PTPRQ: variants seen among roughly 807,000 people sequenced by gnomAD.
PTPRQ encodes phosphatidylinositol phosphatase PTPRQ.
PTPRQ carries 199 observed loss-of-function variants against 246.0 expected under a neutral mutation model. That is an observed-to-expected ratio of 0.81 (90% confidence interval 0.72 to 0.91). The LOEUF (loss-of-function observed/expected upper bound fraction) is 0.91. Ranked by LOEUF, PTPRQ falls within the 40% of genes least tolerant of loss-of-function variation. The probability of loss-of-function intolerance (pLI) is 0.00; values close to 1 mark genes in which losing one functional copy is unlikely to be tolerated. For synonymous variants in PTPRQ, 869 were observed against 853.2 expected, an observed-to-expected ratio of 1.02 and a Z score of -0.32; for missense variants, 2,624 against 2,528.4, an observed-to-expected ratio of 1.04 and a Z score of -0.81.
intron 39 of PTPRQ, among the ~76,000 whole-genome samples, chr12:80,661,066 T>C (rs745412990): frequency 2.6e-5 from 4 of 151,798 alleles, no homozygotes; most frequent in Non-Finnish European, 5.9e-5. Context: ...CAATATGAAT[T>C]GAGGACCCCT....
chr12:80,628,964 T>C (rs913074169), intron 33 of PTPRQ, among the ~76,000 whole-genome samples: 9 of 152,110 alleles, frequency 5.9e-5, no homozygotes, highest in African/African-American at 2.2e-4. Context: ...TAGAAGTTTA[T>C]TTCCTCACAG....
Position 80,506,022 on chromosome 12 carries a change from A to T in PTPRQ, c.2273-2A>T, listed in dbSNP as rs1446223814. 6.5e-7 allele frequency: 1 copy of T among 1,533,744 alleles called. No individual in the cohort carries two copies. The highest frequency in any genetic ancestry group is 8.8e-7 in the Non-Finnish European group (1 of 1,141,262). ...ATGTATCTATATTTTTGTTTCTTTCAGTGCCTGATAGTGCACCAGAAAATA... is the reference window on the plus strand; with the variant it reads ...ATGTATCTATATTTTTGTTTCTTTCTGTGCCTGATAGTGCACCAGAAAATA... On this transcript the variant is annotated splice_acceptor_variant, in intron 14 of 44. Coordinates refer to ENST00000644991, the MANE Select transcript of PTPRQ (RefSeq NM_001145026.2). LOFTEE classifies it high-confidence loss of function.
At chr12:80,609,138 CT>C (rs952705602) in intron 27 of PTPRQ, among the ~76,000 whole-genome samples, 33 of 149,458 alleles carry the variant, frequency 2.2e-4, no homozygotes, top group Admixed American at 5.4e-4. Context: ...TACTATGTTT[CT>C]TTTTTTTCTT....
In PTPRQ at chr12:80,670,509, AAATGGCCTTTGAACCC is replaced by A. The variant is rs1397618328; in HGVS notation, c.6602+19_6602+34del. ...TCACTGCAGGTGAGAAAGTGATCAG[AAATGGCCTTTGAACCC>A]ATTGGTCTTTTTATTATTAAAATTC... On this transcript the variant is annotated intron_variant, in intron 42 of 44. Coordinates refer to ENST00000644991, the MANE Select transcript of PTPRQ (RefSeq NM_001145026.2). 5 of 1,519,334 alleles carry A rather than the reference AAATGGCCTTTGAACCC, an allele frequency of 3.3e-6. No individual in the cohort carries two copies. The highest frequency in any genetic ancestry group is 4.4e-6 in the Non-Finnish European group (5 of 1,131,374). 94.1% of individuals were successfully genotyped at this position (1,519,334 alleles called of 1,614,324 possible).
chr12:80,563,958 T>C (rs1283939129), intron 25 of PTPRQ, among the ~76,000 whole-genome samples: 1 of 152,032 alleles, frequency 6.6e-6, no homozygotes, highest in Non-Finnish European at 1.5e-5. Context: ...AGTTTCTTTC[T>C]GTGCTTTTTT....
intron 25 of PTPRQ, among the ~76,000 whole-genome samples, chr12:80,559,499 C>T (rs1330772940): frequency 1.3e-5 from 2 of 152,188 alleles, no homozygotes; most frequent in African/African-American, 4.8e-5. Flanking sequence ...GTCTCTCCTC[C>T]ATTGAATTGC....
intron 37 of PTPRQ, 114 bp from the exon 38 acceptor site, chr12:80,652,630 G>A: frequency 9.2e-7 from 1 of 1,091,320 alleles, no homozygotes; most frequent in Admixed American, 3.9e-5. Flanking sequence ...TATGATAGGT[G>A]TTTTTAATTT....
At chr12:80,474,305 C>A (rs1246906759) in intron 8 of PTPRQ, among the ~76,000 whole-genome samples, 3 of 152,094 alleles carry the variant, frequency 2.0e-5, no homozygotes, top group Non-Finnish European at 4.4e-5. Context: ...ATATTTTAAA[C>A]CAGTCTATCA....
At position 80,510,335 on chromosome 12, in the gene PTPRQ, C is replaced by T. The variant is rs970060433; in HGVS notation, c.2570C>T (p.Pro857Leu). 6.5e-7 allele frequency: 1 copy of T among 1,544,282 alleles called. No individual in the cohort carries two copies. Among genetic ancestry groups the T allele is most frequent in the African/African-American group, 1.4e-5 (1 of 72,690 alleles). ...ILTEEDAPDS[P>L]PQDFSVKQLS... is the part of the protein sequence containing the mutation. ...CCTAACTTTACAGCTCCTGATTCTC[C>T]CCCTCAAGACTTCTCTGTAAAACAG... Residue 857 changes from proline (P) to leucine (L), a missense_variant, in exon 17 of 45, where the codon CCC becomes CTC. By Grantham distance (98) the Pro-to-Leu change is moderately conservative. Coordinates refer to ENST00000644991, the MANE Select transcript of PTPRQ (RefSeq NM_001145026.2).
At chr12:80,569,396 G>A (rs1469552286) in intron 25 of PTPRQ, among the ~76,000 whole-genome samples, 3 of 115,394 alleles carry the variant, frequency 2.6e-5, no homozygotes, top group Non-Finnish European at 5.3e-5. Context: ...TTGTGGGGTG[G>A]GGGGAGGGGG....
rs184134005 is a variant in PTPRQ, at chr12:80,523,852, G to C, written c.2679-10163G>C. Among the ~76,000 whole-genome samples the C allele has an allele frequency of 3.3e-3, 505 of 152,288 alleles. 5 individuals carry two copies. The highest frequency in any genetic ancestry group is 0.011 in the African/African-American group (469 of 41,562). On this transcript the variant is annotated intron_variant, in intron 17 of 44. Coordinates refer to ENST00000644991, the MANE Select transcript of PTPRQ (RefSeq NM_001145026.2). ...AGAATGCATATTCTGTTGATTTGGGGTGGAGAGTTCTGTAGATGTCTATTA... is the reference window on the plus strand; with the variant it reads ...AGAATGCATATTCTGTTGATTTGGGCTGGAGAGTTCTGTAGATGTCTATTA...
rs1202125045 is a variant in PTPRQ, at chr12:80,473,051, A to ACG, written c.1186+801_1186+802insGC. ...CACACACACACTCACACACACGCAC[A>ACG]CACACACACACACACACACACACAC... On this transcript the variant is annotated intron_variant, in intron 8 of 44. Transcript: ENST00000644991. Among the ~76,000 whole-genome samples, 68 of 136,050 alleles carry ACG rather than the reference A, an allele frequency of 5.0e-4. 1 individual carries two copies. Among genetic ancestry groups the ACG allele is most frequent in the South Asian group, 2.7e-3 (12 of 4,482 alleles). 89.3% of individuals were successfully genotyped at this position (136,050 alleles called of 152,430 possible).
At chr12:80,460,583 C>T (rs1311592483) in intron 5 of PTPRQ, 70 bp from the exon 6 acceptor site, 7 of 397,564 alleles carry the variant, frequency 1.8e-5, no homozygotes, top group Non-Finnish European at 3.1e-5. Flanking sequence ...AAATGAATTA[C>T]ATGTTCTTAT....
In PTPRQ at chr12:80,496,332, G is replaced by A. The variant is rs1259954287; in HGVS notation, c.2073G>A (p.Lys691=). 1.9e-6 allele frequency: 3 copies of A among 1,550,644 alleles called. No individual in the cohort carries two copies. Among genetic ancestry groups the A allele is most frequent in the East Asian group, 2.4e-5 (1 of 40,878 alleles). ...EIRLKWSPPE[K]PNGIIIAYEV... ...GGTTGAAGTGGTCACCACCCGAAAAGCCCAATGGGATCATTATTGCTTATG... is the reference window on the plus strand; with the variant it reads ...GGTTGAAGTGGTCACCACCCGAAAAACCCAATGGGATCATTATTGCTTATG... Residue 691 remains lysine, a synonymous_variant, in exon 14 of 45, where the codon AAG becomes AAA. Coordinates refer to ENST00000644991, the MANE Select transcript of PTPRQ (RefSeq NM_001145026.2).
Position 80,495,342 on chromosome 12 carries a change from C to T in PTPRQ, c.1853C>T (p.Thr618Ile). 1 of 1,525,520 alleles carries T rather than the reference C, an allele frequency of 6.6e-7. No homozygotes were observed. The allele number at this position is 1,525,520 out of a possible 1,614,324, so 94.5% of individuals were successfully genotyped here. ...ELDTNRAFQI[T>I]TIDNSFLITG... is the part of the protein sequence containing the mutation. ...GATACAAACAGAGCATTCCAGATAA[C>T]TACCATAGATAACAGCTTTCTCATA... Residue 618 changes from threonine (T) to isoleucine (I), a missense_variant, in exon 12 of 45, where the codon ACT (threonine) becomes ATT (isoleucine). By Grantham distance (89) the Thr-to-Ile change is moderately conservative. Coordinates refer to ENST00000644991, the MANE Select transcript of PTPRQ (RefSeq NM_001145026.2).
Position 80,613,686 on chromosome 12 carries a change from T to C in PTPRQ, c.5013T>C (p.Asn1671=). 1 of 1,546,288 alleles carries C rather than the reference T, an allele frequency of 6.5e-7. No homozygotes were observed. Among genetic ancestry groups the C allele is most frequent in the East Asian group, 2.5e-5 (1 of 40,730 alleles). ...QLTFLPPSQP[N]GNIQVYQALV... Reference sequence around the variant, plus strand: ...CGTTCCTTCCTCCTTCTCAACCTAATGGAAATATCCAAGTATATCAAGCTC... The same window carrying C: ...CGTTCCTTCCTCCTTCTCAACCTAACGGAAATATCCAAGTATATCAAGCTC... The change falls in exon 29 of 45, where the codon AAT becomes AAC. Residue 1671 remains asparagine (N), a synonymous_variant. Transcript: ENST00000644991.
At chr12:80,646,865 AT>A (rs879362237) in intron 35 of PTPRQ, among the ~76,000 whole-genome samples, 1 of 152,230 alleles carries the variant, frequency 6.6e-6, no homozygotes, top group Non-Finnish European at 1.5e-5. Context: ...AAACAAAAAA[AT>A]GTATATTTAT....
In PTPRQ at chr12:80,495,172, T is replaced by A. The variant is rs1003906868; in HGVS notation, c.1703-20T>A. On this transcript the variant is annotated intron_variant, in intron 11 of 44. Coordinates refer to ENST00000644991, the MANE Select transcript of PTPRQ (RefSeq NM_001145026.2). ...CTGTGATACTTTTTTTTCATTCATA[T>A]GTTCATTCTTCTTTTTAAGTGCCAA... 15 of 1,545,362 alleles carry A rather than the reference T, an allele frequency of 9.7e-6. No individual in the cohort carries two copies. In the East Asian group the frequency reaches 3.7e-4, roughly 38 times the overall value.
In PTPRQ at chr12:80,670,346, T is replaced by C. The variant is rs527568973; in HGVS notation, c.6456T>C (p.His2152=). ...CATTAATCCGTCCCTTTGTCTAGCA[T>C]GGGGATTGCATGACTGTTCGACAGT... ...WTIRDLKIER[H]GDCMTVRQCN... Residue 2152 remains histidine (H), a splice_region_variant and synonymous_variant, in exon 42 of 45, where the codon CAT becomes CAC. Coordinates refer to ENST00000644991, the MANE Select transcript of PTPRQ (RefSeq NM_001145026.2). 1.2e-4 allele frequency: 190 copies of C among 1,550,598 alleles called. 3 individuals carry two copies. The South Asian group carries it at 2.1e-3, about 17-fold the overall frequency.
Sources: allele counts gnomAD v4.1 joint callset (sites outside exome capture counted in the v4.1 genomes callset), GRCh38; gene constraint gnomAD v4.1.1; transcripts MANE v1.5; gene names NCBI Gene and HGNC (gene_info 2026-07-23, HGNC 2026-07-21).